The following TEX15 variants were observed in gnomAD, a reference collection of about 807,000 sequenced individuals.
The protein encoded by TEX15 is testis-expressed protein 15.
TEX15 carries 171 observed loss-of-function variants against 237.3 expected under a neutral mutation model. That is an observed-to-expected ratio of 0.72 (90% CI 0.64 to 0.82). TEX15 has a LOEUF of 0.82. Among genes scored for constraint, TEX15 ranks in the 40% least tolerant of loss-of-function variants. The probability of loss-of-function intolerance (pLI) is 0.00; values close to 1 mark genes in which losing one functional copy is unlikely to be tolerated. For missense variants in TEX15, 3,750 were observed against 3,646.5 expected, an observed-to-expected ratio of 1.03 and a Z score of -0.73; for synonymous variants, 1,338 against 1,269.8, an observed-to-expected ratio of 1.05 and a Z score of -1.14.
chr8:30,867,764 A>G (rs559360910), intron 4 of TEX15, among the ~76,000 whole-genome samples: 2 of 152,250 alleles, frequency 1.3e-5, no homozygotes, highest in South Asian at 4.1e-4. Flanking sequence ...TAATGTAACC[A>G]GTACAAGTCT....
At chr8:30,874,171 G>C (rs886776611) in intron 4 of TEX15, among the ~76,000 whole-genome samples, 10 of 152,128 alleles carry the variant, frequency 6.6e-5, no homozygotes, top group African/African-American at 2.4e-4. Flanking sequence ...CAGACACCAA[G>C]TGTGGCAGCA....
In TEX15 at chr8:30,845,010, C is replaced by G. The variant is rs1173797409; in HGVS notation, c.5157G>C (p.Gln1719His). Reference sequence around the variant, plus strand: ...TATCTGTCACTGCAGCGGCTGATAACTGAGGAATACTGTACTTTTTACTTG... The same window carrying G: ...TATCTGTCACTGCAGCGGCTGATAAGTGAGGAATACTGTACTTTTTACTTG... ...LIASKKYSIP[Q>H]LSAAAVTDSE... is the part of the protein sequence containing the mutation. The change falls in exon 8 of 11, where the codon CAG (glutamine) becomes CAC (histidine). Residue 1719 changes from glutamine (Q) to histidine (H), a missense_variant. Physicochemically the swap from Gln to His is conservative, Grantham distance 24. Coordinates refer to ENST00000643185, the MANE Select transcript of TEX15 (RefSeq NM_001350162.2). 3.7e-6 allele frequency: 6 copies of G among 1,613,432 alleles called. No homozygotes were observed. The highest frequency in any genetic ancestry group is 5.1e-6 in the Non-Finnish European group (6 of 1,179,550).
Position 30,842,862 on chromosome 8 carries a change from G to C in TEX15, c.7305C>G (p.Ile2435Met). The change falls in exon 8 of 11, where the codon ATC becomes ATG. Residue 2435 changes from isoleucine to methionine, a missense_variant. Transcript: ENST00000643185. ...DVVINHSHEA[I>M]ILKPEAIEMY... Reference sequence around the variant, plus strand: ...TTTCAATAGCTTCAGGCTTTAAAATGATAGCCTCATGGCTGTGGTTTATCA... The same window carrying C: ...TTTCAATAGCTTCAGGCTTTAAAATCATAGCCTCATGGCTGTGGTTTATCA... 1 of 1,611,844 alleles carries C rather than the reference G, an allele frequency of 6.2e-7. No homozygotes were observed. Among genetic ancestry groups the C allele is most frequent in the African/African-American group, 1.3e-5 (1 of 74,988 alleles).
chr8:30,865,321 TAA>T (rs1447915051), intron 5 of TEX15, among the ~76,000 whole-genome samples: 13 of 151,942 alleles, frequency 8.6e-5, no homozygotes, highest in Non-Finnish European at 1.9e-4. Context: ...AAAACAGTAA[TAA>T]AGTCTTCAGA....
intron 10 of TEX15, among the ~76,000 whole-genome samples, chr8:30,834,659 T>A (rs547560847): frequency 3.3e-5 from 5 of 152,332 alleles, no homozygotes; most frequent in African/African-American, 1.2e-4. Context: ...GAGAGATTGT[T>A]CTATGGTCCT....
At chr8:30,893,741 T>C (rs1172047110) in intron 2 of TEX15, among the ~76,000 whole-genome samples, 2 of 152,224 alleles carry the variant, frequency 1.3e-5, no homozygotes, top group South Asian at 2.1e-4. Context: ...CGGCAGCTTT[T>C]AGTATCATCT....
intron 1 of TEX15, among the ~76,000 whole-genome samples, chr8:30,905,449 T>C (rs937890091): frequency 1.1e-4 from 17 of 152,080 alleles, no homozygotes; most frequent in African/African-American, 2.9e-4. Flanking sequence ...ATCACCAAAA[T>C]AGAGTAATTT....
intron 2 of TEX15, among the ~76,000 whole-genome samples, chr8:30,888,976 T>C (rs10109208): frequency 0.23 from 35,623 of 152,160 alleles, 6,139 homozygotes; most frequent in African/African-American, 0.47. Context: ...CTAGAGATAC[T>C]TGTCAAGGCT....
Position 30,907,008 on chromosome 8 carries a change from T to C in TEX15, c.-86+5871A>G, listed in dbSNP as rs560568122. On this transcript the variant is annotated intron_variant, in intron 1 of 10. Coordinates refer to ENST00000643185, the MANE Select transcript of TEX15 (RefSeq NM_001350162.2). ...GCCAAATGTGACTTTATATAAAACATACCATACAGATGTAAAGGTTGTATA... is the reference window on the plus strand; with the variant it reads ...GCCAAATGTGACTTTATATAAAACACACCATACAGATGTAAAGGTTGTATA... 6.6e-5 allele frequency among the ~76,000 whole-genome samples: 10 copies of C among 152,294 alleles called. No homozygotes were observed. The East Asian group carries it at 1.5e-3, about 24-fold the overall frequency.
rs35046956 is a variant in TEX15 at position 30,909,394 on chromosome 8, A to ACCCCC, written c.-86+3480_-86+3484dup. Among the ~76,000 whole-genome samples the ACCCCC allele has an allele frequency of 3.4e-3, 397 of 118,306 alleles. 1 individual carries two copies. Among genetic ancestry groups the ACCCCC allele is most frequent in the African/African-American group, 5.8e-3 (163 of 27,872 alleles). 77.6% of individuals were successfully genotyped at this position (118,306 alleles called of 152,430 possible). On this transcript the variant is annotated intron_variant, in intron 1 of 10. Transcript: ENST00000643185. ...TCTCAGCTGCTGTAATTAAAGACAGACCCCCCCCCGCCCCCACTCCCCCCT... is the reference window on the plus strand; with the variant it reads ...TCTCAGCTGCTGTAATTAAAGACAGACCCCCCCCCCCCCCGCCCCCACTCCCCCCT...
In TEX15 at chr8:30,848,388, A is replaced by G. The variant is rs758397658; in HGVS notation, c.1779T>C (p.Tyr593=). 3 of 1,614,112 alleles carry G rather than the reference A, an allele frequency of 1.9e-6. No individual in the cohort carries two copies. The highest frequency in any genetic ancestry group is 1.7e-5 in the Admixed American group (1 of 60,026). Residue 593 remains tyrosine, a synonymous_variant, in exon 8 of 11, where the codon TAT becomes TAC. Transcript: ENST00000643185. ...DSQSSDLKTI[Y]QTGCQTSTVF... is the part of the protein sequence containing the mutation. Reference sequence around the variant, plus strand: ...CTGTAGACGTTTGGCAACCAGTCTGATAAATTGTTTTTAAATCAGAAGACT... The same window carrying G: ...CTGTAGACGTTTGGCAACCAGTCTGGTAAATTGTTTTTAAATCAGAAGACT...
intron 7 of TEX15, among the ~76,000 whole-genome samples, chr8:30,856,487 G>A (rs1807915615): frequency 6.6e-6 from 1 of 152,056 alleles, no homozygotes; most frequent in Non-Finnish European, 1.5e-5. Context: ...TTGGGAGGCG[G>A]AGGCTGCGGT....
At position 30,847,120 on chromosome 8, in the gene TEX15, G is replaced by A; in HGVS notation, c.3047C>T (p.Pro1016Leu). 6.2e-7 allele frequency: 1 copy of A among 1,613,526 alleles called. No individual in the cohort carries two copies. Residue 1016 changes from proline to leucine, a missense_variant, in exon 8 of 11, where the codon CCA becomes CTA. Pro to Leu is a moderately conservative substitution (Grantham distance 98). Coordinates refer to ENST00000643185, the MANE Select transcript of TEX15 (RefSeq NM_001350162.2). Reference sequence around the variant, plus strand: ...ATGTTTTACTAACAAACCAAAATCTGGACTTTCAGAAGAACAAGTTTCTTT... The same window carrying A: ...ATGTTTTACTAACAAACCAAAATCTAGACTTTCAGAAGAACAAGTTTCTTT... ...QFKETCSSES[P>L]DFGLLVKHRV... is the part of the protein sequence containing the mutation.
intron 2 of TEX15, among the ~76,000 whole-genome samples, chr8:30,898,323 G>GT (rs1808945964): frequency 1.3e-5 from 2 of 152,206 alleles, no homozygotes; most frequent in South Asian, 4.2e-4. Flanking sequence ...TCGTGAATGG[G>GT]ATTAGCATAC....
chr8:30,912,332 G>GC (rs760310997), intron 1 of TEX15, among the ~76,000 whole-genome samples: 151,000 of 151,088 alleles, frequency 1, 75,481 homozygotes, highest in Middle Eastern at 1. Flanking sequence ...GGGCGGCGGG[G>GC]CTCCCGCCCC....
In TEX15 at chr8:30,847,698, GTC is replaced by G; in HGVS notation, c.2467_2468del (p.Asp823LeufsTer2). On this transcript the variant is annotated frameshift_variant, in exon 8 of 11. Transcript: ENST00000643185. LOFTEE classifies it high-confidence loss of function. ...EPVSLENIQR[D>X]YKETAYVEDR... ...CTTCAACATAAGCAGTTTCTTTATA[GTC>G]TCTCTGAATGTTCTCTAATGACACT... 1 of 1,613,734 alleles carries G rather than the reference GTC, an allele frequency of 6.2e-7. No individual in the cohort carries two copies. The highest frequency in any genetic ancestry group is 8.5e-7 in the Non-Finnish European group (1 of 1,179,882).
At chr8:30,858,358 G>A (rs1166521272) in intron 7 of TEX15, among the ~76,000 whole-genome samples, 2 of 151,044 alleles carry the variant, frequency 1.3e-5, no homozygotes, top group Non-Finnish European at 2.9e-5. Context: ...TGTCACCTAG[G>A]CTGGGCGCAG....
At position 30,832,616 on chromosome 8, in the gene TEX15, G is replaced by C. The variant is rs1007890455; in HGVS notation, c.*670C>G. 2.0e-5 allele frequency: 3 copies of C among 152,106 alleles called. No individual in the cohort carries two copies. Among genetic ancestry groups the C allele is most frequent in the African/African-American group, 2.4e-5 (1 of 41,422 alleles). The allele number at this position is 152,106 out of a possible 1,614,324, so 9.4% of individuals were successfully genotyped here. A position where few individuals can be genotyped will look rare whatever the true frequency, so the allele number is the denominator to read the frequency against. On this transcript the variant is annotated 3_prime_UTR_variant, in exon 11 of 11. Transcript: ENST00000643185. ...GCATAAACATTATTCTCTATTATTT[G>C]CTAGAAAATCATTAAAATAACTATT...
chr8:30,845,003 C>G lies in TEX15; in HGVS notation c.5164G>C (p.Ala1722Pro). The change falls in exon 8 of 11, where the codon GCC (alanine) becomes CCC (proline). Residue 1722 changes from alanine to proline, a missense_variant. Ala to Pro is a conservative substitution (Grantham distance 27). Coordinates refer to ENST00000643185, the MANE Select transcript of TEX15 (RefSeq NM_001350162.2). ...CCCTCACTATCTGTCACTGCAGCGG[C>G]TGATAACTGAGGAATACTGTACTTT... Reference protein sequence around the residue: ...SKKYSIPQLSAAAVTDSEGES... With the variant: ...SKKYSIPQLSPAAVTDSEGES... The G allele has an allele frequency of 4.3e-6, 7 of 1,613,566 alleles. No individual in the cohort carries two copies. Among genetic ancestry groups the G allele is most frequent in the Non-Finnish European group, 5.9e-6 (7 of 1,179,538 alleles).
Sources: gnomAD v4.1 joint callset for allele counts (sites outside exome capture counted in the v4.1 genomes callset) on GRCh38, gnomAD v4.1.1 for gene constraint, MANE v1.5 for transcripts, NCBI Gene and HGNC (gene_info 2026-07-23, HGNC 2026-07-21) for gene names.